CALN1: variants seen among roughly 807,000 people sequenced by gnomAD.
CALN1 encodes the protein calneuron 1.
In CALN1, 17 loss-of-function variants were observed where a neutral mutation model predicts 30.6. The ratio of observed to expected loss-of-function variants is 0.56; its 90% CI spans 0.38 to 0.83. The LOEUF is 0.83. Ranked by LOEUF, CALN1 falls within the 40% of genes least tolerant of loss-of-function variation. CALN1 has a pLI of 0.00. For synonymous variants in CALN1, 156 were observed against 131.4 expected, an observed-to-expected ratio of 1.19 and a Z score of -1.28; for missense variants, 291 against 354.9, an observed-to-expected ratio of 0.82 and a Z score of 1.45.
intron 2 of CALN1, among the ~76,000 whole-genome samples, chr7:72,338,900 CTTG>C (rs754347753): frequency 4.5e-4 from 68 of 151,084 alleles, no homozygotes; most frequent in South Asian, 2.1e-3. Context: ...TTCATTCTAA[CTTG>C]TTTTTTTTTT....
rs900567482 is a variant in CALN1 at position 72,220,612 on chromosome 7, T to G, written c.244+58074A>C. Among the ~76,000 whole-genome samples the G allele has an allele frequency of 6.6e-5, 10 of 152,294 alleles. No individual in the cohort carries two copies. In the East Asian group the frequency reaches 1.5e-3, roughly 24 times the overall value. ...TTCTAGTTCTAGATCCCTGAGGAAT[T>G]GCCACACTGACTTCCACAATGGTTG... On this transcript the variant is annotated intron_variant, in intron 3 of 6. Coordinates refer to ENST00000395275, the MANE Select transcript of CALN1 (RefSeq NM_031468.4).
chr7:71,910,048 C>A (rs1188912389), intron 5 of CALN1, among the ~76,000 whole-genome samples: 2 of 147,274 alleles, frequency 1.4e-5, no homozygotes, highest in African/African-American at 4.9e-5. Flanking sequence ...ATTTATAAAA[C>A]CATCAGATCT....
intron 1 of CALN1, among the ~76,000 whole-genome samples, chr7:72,409,324 G>A (rs1276512582): frequency 6.6e-6 from 1 of 151,794 alleles, no homozygotes; most frequent in Non-Finnish European, 1.5e-5. Flanking sequence ...CTCTGTGCTT[G>A]TAACCCATGC....
chr7:72,205,555 T>TAC (rs1791786063), intron 3 of CALN1, among the ~76,000 whole-genome samples: 1 of 107,940 alleles, frequency 9.3e-6, no homozygotes, highest in South Asian at 3.3e-4. Context: ...AAAAAAAATA[T>TAC]ATATATATAT....
chr7:72,385,619 C>T (rs1805164765), intron 2 of CALN1, among the ~76,000 whole-genome samples: 2 of 152,142 alleles, frequency 1.3e-5, no homozygotes, highest in Non-Finnish European at 2.9e-5. Flanking sequence ...TGTGTCCCCA[C>T]CCAATGCTCA....
intron 3 of CALN1, among the ~76,000 whole-genome samples, chr7:72,114,438 C>CT (rs1437672676): frequency 6.6e-6 from 1 of 151,488 alleles, no homozygotes; most frequent in Non-Finnish European, 1.5e-5. Flanking sequence ...CTGGTGATTG[C>CT]TTCTAGCGAG....
At chr7:71,811,729 A>C (rs1194100051) in intron 5 of CALN1, among the ~76,000 whole-genome samples, 7 of 142,700 alleles carry the variant, frequency 4.9e-5, no homozygotes, top group Non-Finnish European at 9.0e-5. Flanking sequence ...CGCAGGCTGG[A>C]GTGCAGTGGC....
At chr7:72,164,850 T>C (rs1788403134) in intron 3 of CALN1, among the ~76,000 whole-genome samples, 1 of 151,984 alleles carries the variant, frequency 6.6e-6, no homozygotes, top group African/African-American at 2.4e-5. Flanking sequence ...TTGGGTGGTA[T>C]TTTTTAGGGT....
chr7:72,116,780 G>A (rs1808015963), intron 3 of CALN1, among the ~76,000 whole-genome samples: 1 of 152,174 alleles, frequency 6.6e-6, no homozygotes, highest in Non-Finnish European at 1.5e-5. Context: ...GACCAAAGGA[G>A]CCAAACTCTG....
chr7:72,069,112 C>A lies in CALN1; in HGVS notation c.388+37039G>T, dbSNP rs142406243. 2.6e-4 allele frequency among the ~76,000 whole-genome samples: 40 copies of A among 152,274 alleles called. No homozygotes were observed. In the East Asian group the frequency reaches 3.9e-3, roughly 15 times the overall value. ...CCAGAGGAGCAGATGCCAGTGCACACAGAGAGGGCAAGTGACACTGCAAAG... is the reference window on the plus strand; with the variant it reads ...CCAGAGGAGCAGATGCCAGTGCACAAAGAGAGGGCAAGTGACACTGCAAAG... On this transcript the variant is annotated intron_variant, in intron 4 of 6. Coordinates refer to ENST00000395275, the MANE Select transcript of CALN1 (RefSeq NM_031468.4).
At chr7:72,373,744 G>A (rs757334493) in intron 2 of CALN1, among the ~76,000 whole-genome samples, 9 of 152,322 alleles carry the variant, frequency 5.9e-5, no homozygotes, top group African/African-American at 1.4e-4. Flanking sequence ...AGAAGCGTCT[G>A]TATGTAAATC....
intron 5 of CALN1, among the ~76,000 whole-genome samples, chr7:71,937,915 C>T (rs893123696): frequency 2.0e-5 from 3 of 152,214 alleles, no homozygotes; most frequent in African/African-American, 7.2e-5. Flanking sequence ...AATCTGACTG[C>T]CCTTTTCCAG....
rs574650608 is a variant in CALN1 at position 72,005,306 on chromosome 7, C to T, written c.501+18351G>A. 1.1e-3 allele frequency among the ~76,000 whole-genome samples: 174 copies of T among 152,254 alleles called. 1 individual carries two copies. The Middle Eastern group carries it at 0.014, about 12-fold the overall frequency. ...ATGAAACAGTTCATCCTGTAAAATA[C>T]TACTCAGCAGTAAAAAGAAGCAAAC... is the stretch of plus-strand genomic sequence containing the variant. On this transcript the variant is annotated intron_variant, in intron 5 of 6. Coordinates refer to ENST00000395275, the MANE Select transcript of CALN1 (RefSeq NM_031468.4).
At chr7:71,792,540 G>A (rs934014652) in intron 6 of CALN1, among the ~76,000 whole-genome samples, 1 of 152,098 alleles carries the variant, frequency 6.6e-6, no homozygotes, top group Non-Finnish European at 1.5e-5. Context: ...TTCTTACCTG[G>A]AGGAAGACAA....
At chr7:72,417,050 A>G (rs1432626215), upstream of CALN1, among the ~76,000 whole-genome samples, 2 of 152,254 alleles carry the variant, frequency 1.3e-5, no homozygotes, top group Non-Finnish European at 2.9e-5. Context: ...GGATTCCCAT[A>G]GAGCCTGAGT....
At position 72,336,512 on chromosome 7, in the gene CALN1, C is replaced by T. The variant is rs950321960; in HGVS notation, c.120-57702G>A. ...CAAGGTGGCCGGCGCGGCCCCCAGC[C>T]CGCGGGGTGGGTGCCCCAGTGTCGG... On this transcript the variant is annotated intron_variant, in intron 2 of 6. Transcript: ENST00000395275. 9.2e-5 allele frequency among the ~76,000 whole-genome samples: 14 copies of T among 151,842 alleles called. No homozygotes were observed. The East Asian group carries it at 2.6e-3, about 28-fold the overall frequency.
At chr7:71,807,253 G>A (rs1424052493) in intron 6 of CALN1, among the ~76,000 whole-genome samples, 1 of 152,188 alleles carries the variant, frequency 6.6e-6, no homozygotes, top group Non-Finnish European at 1.5e-5. Flanking sequence ...GAAGCAAAGG[G>A]TCTAAGGTGA....
At chr7:72,229,042 G>A (rs1793893188) in intron 3 of CALN1, among the ~76,000 whole-genome samples, 1 of 151,252 alleles carries the variant, frequency 6.6e-6, no homozygotes, top group African/African-American at 2.4e-5. Context: ...TAGAATTACA[G>A]GTATGGGCCA....
At chr7:72,364,753 G>C (rs1803781517) in intron 2 of CALN1, among the ~76,000 whole-genome samples, 1 of 152,200 alleles carries the variant, frequency 6.6e-6, no homozygotes, top group Non-Finnish European at 1.5e-5. Context: ...ATCCCACGTT[G>C]TATTCATATA....
Sources: gnomAD v4.1 joint callset for allele counts (sites outside exome capture counted in the v4.1 genomes callset) on GRCh38, gnomAD v4.1.1 for gene constraint, MANE v1.5 for transcripts, NCBI Gene and HGNC (gene_info 2026-07-23, HGNC 2026-07-21) for gene names.